CAMTA1: variants seen among roughly 807,000 people sequenced by gnomAD.
CAMTA1 encodes calmodulin-binding transcription activator 1.
In CAMTA1, 27 loss-of-function variants were observed where a neutral mutation model predicts 170.9. That is an observed-to-expected ratio of 0.16 (90% CI 0.12 to 0.22). CAMTA1 has a LOEUF of 0.22. CAMTA1 is among the 10% of genes least tolerant of loss of function. The probability of loss-of-function intolerance (pLI) is 1.00; values close to 1 mark genes in which losing one functional copy is unlikely to be tolerated. For synonymous variants in CAMTA1, 833 were observed against 891.5 expected, an observed-to-expected ratio of 0.93 and a Z score of 1.17; for missense variants, 1,619 against 2,217.2, an observed-to-expected ratio of 0.73 and a Z score of 5.42.
chr1:6,854,444 T>C (rs1282860119), intron 3 of CAMTA1, among the ~76,000 whole-genome samples: 3 of 152,206 alleles, frequency 2.0e-5, no homozygotes, highest in Non-Finnish European at 2.9e-5. Context: ...CTTTGCACAA[T>C]GATGAAATAG....
chr1:6,811,019 C>T (rs950556302), intron 1 of CAMTA1, among the ~76,000 whole-genome samples: 5 of 152,108 alleles, frequency 3.3e-5, no homozygotes, highest in Admixed American at 6.5e-5. Flanking sequence ...CAGGTGGTGA[C>T]GCTTCTCAGG....
chr1:7,028,727 G>A (rs1263495489), intron 3 of CAMTA1, among the ~76,000 whole-genome samples: 1 of 152,196 alleles, frequency 6.6e-6, no homozygotes, highest in Non-Finnish European at 1.5e-5. Flanking sequence ...CTGCTTTAGA[G>A]TATTTCTTTT....
intron 3 of CAMTA1, among the ~76,000 whole-genome samples, chr1:6,962,845 T>C (rs1292249784): frequency 2.2e-5 from 2 of 92,640 alleles, no homozygotes; most frequent in Non-Finnish European, 2.1e-5. Context: ...CCCACTCCCC[T>C]GCTTTCCATC....
At chr1:7,520,271 A>C in intron 6 of CAMTA1, among the ~76,000 whole-genome samples, 1 of 14,192 alleles carries the variant, frequency 7.0e-5, no homozygotes, top group Non-Finnish European at 1.3e-4. Context: ...CCTGCCTAAA[A>C]ACCAAATGAG....
chr1:6,870,288 A>G (rs1471900601), intron 3 of CAMTA1, among the ~76,000 whole-genome samples: 2 of 152,128 alleles, frequency 1.3e-5, no homozygotes, highest in African/African-American at 4.8e-5. Context: ...GACAGACTTT[A>G]TGTGAGATGA....
chr1:7,373,045 T>A (rs975990558), intron 5 of CAMTA1, among the ~76,000 whole-genome samples: 7 of 152,140 alleles, frequency 4.6e-5, no homozygotes, highest in African/African-American at 1.7e-4. Flanking sequence ...CACCCCAACA[T>A]GTAGCCTGCA....
intron 3 of CAMTA1, among the ~76,000 whole-genome samples, chr1:6,884,843 TAG>T (rs530478290): frequency 1.3e-5 from 2 of 152,240 alleles, no homozygotes; most frequent in Non-Finnish European, 2.9e-5. Flanking sequence ...TAGGAGCATG[TAG>T]AGACTCTGGT....
intron 4 of CAMTA1, among the ~76,000 whole-genome samples, chr1:7,188,938 G>A (rs970206424): frequency 6.6e-6 from 1 of 152,190 alleles, no homozygotes; most frequent in Non-Finnish European, 1.5e-5. Context: ...CAATGCACAA[G>A]AGTTCCAATT....
intron 6 of CAMTA1, among the ~76,000 whole-genome samples, chr1:7,611,872 C>T (rs912296916): frequency 6.6e-6 from 1 of 152,220 alleles, no homozygotes; most frequent in African/African-American, 2.4e-5. Context: ...GCTGACCTGA[C>T]CCACTGAAAT....
At chr1:6,966,969 C>T (rs548908844) in intron 3 of CAMTA1, among the ~76,000 whole-genome samples, 14 of 146,170 alleles carry the variant, frequency 9.6e-5, no homozygotes, top group Non-Finnish European at 1.8e-4. Context: ...AGACTGGGCA[C>T]GGTGGCTCAC....
chr1:6,949,601 C>T (rs566768272), intron 3 of CAMTA1, among the ~76,000 whole-genome samples: 2 of 152,332 alleles, frequency 1.3e-5, no homozygotes, highest in East Asian at 3.9e-4. Flanking sequence ...TCAGACCTTA[C>T]CTCCTGAAGA....
At chr1:7,419,793 A>G (rs2091438678) in intron 5 of CAMTA1, among the ~76,000 whole-genome samples, 1 of 151,966 alleles carries the variant, frequency 6.6e-6, no homozygotes, top group Non-Finnish European at 1.5e-5. Flanking sequence ...CCTTCCAGCC[A>G]TTCAGCCAAA....
At chr1:7,638,988 T>C (rs2095738549) in intron 6 of CAMTA1, among the ~76,000 whole-genome samples, 1 of 152,156 alleles carries the variant, frequency 6.6e-6, no homozygotes, top group Non-Finnish European at 1.5e-5. Context: ...ACTGGGCCTT[T>C]TTATTTTTGA....
chr1:7,382,449 T>A (rs1303694711), intron 5 of CAMTA1: 1 of 152,214 alleles, frequency 6.6e-6, no homozygotes, highest in Non-Finnish European at 1.5e-5. Flanking sequence ...GCCAGAAGGA[T>A]GGAAGGCGTT....
chr1:7,037,801 G>A (rs1350827443), intron 3 of CAMTA1, among the ~76,000 whole-genome samples: 1 of 150,394 alleles, frequency 6.6e-6, no homozygotes, highest in African/African-American at 2.5e-5. Context: ...TCGCACCACT[G>A]CACTCCAGCC....
chr1:6,898,122 A>G (rs1343953885), intron 3 of CAMTA1, among the ~76,000 whole-genome samples: 1 of 152,202 alleles, frequency 6.6e-6, no homozygotes, highest in Non-Finnish European at 1.5e-5. Flanking sequence ...TGGCTCATTA[A>G]ATATTTCTTA....
At position 7,231,327 on chromosome 1, in the gene CAMTA1, A is replaced by ATGTGTGTGTGTGTGTG. The variant is rs745744631; in HGVS notation, c.303-18155_303-18140dup. Among the ~76,000 whole-genome samples, 722 of 141,960 alleles carry ATGTGTGTGTGTGTGTG rather than the reference A, an allele frequency of 5.1e-3. 4 individuals are homozygous for ATGTGTGTGTGTGTGTG. The highest frequency in any genetic ancestry group is 0.011 in the South Asian group (46 of 4,284). The allele number at this position is 141,960 out of a possible 152,430, so 93.1% of individuals were successfully genotyped here. On this transcript the variant is annotated intron_variant, in intron 4 of 22. Coordinates refer to ENST00000303635, the MANE Select transcript of CAMTA1 (RefSeq NM_015215.4). ...CCAGCATTCATCACATACTGGCTTA[A>ATGTGTGTGTGTGTGTG]TGTGTGTGTGTGTGTGTGTGTGTGA... is the stretch of plus-strand genomic sequence containing the variant.
At chr1:6,985,473 G>A (rs944141117) in intron 3 of CAMTA1, among the ~76,000 whole-genome samples, 1 of 152,122 alleles carries the variant, frequency 6.6e-6, no homozygotes, top group Admixed American at 6.5e-5. Context: ...TTTCAATAAG[G>A]GAAGGAACCA....
chr1:6,809,151 C>T (rs1056560370), intron 1 of CAMTA1, among the ~76,000 whole-genome samples: 14 of 151,800 alleles, frequency 9.2e-5, no homozygotes, highest in Admixed American at 3.3e-4. Context: ...CTCAGCCTCC[C>T]GAGTAGCTGG....
Sources: gnomAD v4.1 joint callset for allele counts (sites outside exome capture counted in the v4.1 genomes callset) on GRCh38, gnomAD v4.1.1 for gene constraint, MANE v1.5 for transcripts, NCBI Gene and HGNC (gene_info 2026-07-23, HGNC 2026-07-21) for gene names.